STK3: variants seen among roughly 807,000 people sequenced by gnomAD.
STK3 encodes the protein serine/threonine-protein kinase 3.
In STK3, 41 loss-of-function variants were observed where a neutral mutation model predicts 58.0. That is an observed-to-expected ratio of 0.71 (90% CI 0.55 to 0.92). The LOEUF (loss-of-function observed/expected upper bound fraction) is 0.92, where lower values mean the gene tolerates loss of function less well. Ranked by LOEUF, STK3 falls within the 40% of genes least tolerant of loss-of-function variation. STK3 has a pLI of 0.00. For missense variants in STK3, 479 were observed against 602.7 expected, an observed-to-expected ratio of 0.79 and a Z score of 2.15; for synonymous variants, 170 against 191.0, an observed-to-expected ratio of 0.89 and a Z score of 0.91.
intron 8 of STK3, among the ~76,000 whole-genome samples, chr8:98,568,115 T>TAGATA (rs1812656541): frequency 7.6e-6 from 1 of 132,170 alleles, no homozygotes; most frequent in South Asian, 2.4e-4. Flanking sequence ...ATAGATAGAC[T>TAGATA]GATTTAAAAA....
At chr8:98,346,156 G>A in the STK3 span, among the ~76,000 whole-genome samples, 1 of 151,754 alleles carries the variant, frequency 6.6e-6, no homozygotes, top group South Asian at 2.1e-4. Context: ...ATGATCTTGG[G>A]TGCCTGTAAT....
intron 3 of STK3, among the ~76,000 whole-genome samples, chr8:98,844,363 T>C (rs1836113535): frequency 6.6e-6 from 1 of 152,202 alleles, no homozygotes; most frequent in Non-Finnish European, 1.5e-5. Context: ...GCTATGGGAA[T>C]ATGATGTCAT....
chr8:98,457,434 A>C (rs571589934), intron 10 of STK3, among the ~76,000 whole-genome samples: 20 of 152,338 alleles, frequency 1.3e-4, no homozygotes, highest in African/African-American at 4.8e-4. Flanking sequence ...TCTATGTAGG[A>C]TCCAGTTCCA....
At chr8:98,749,650 A>C (rs1829850485) in intron 3 of STK3, among the ~76,000 whole-genome samples, 2 of 152,200 alleles carry the variant, frequency 1.3e-5, no homozygotes, top group African/African-American at 2.4e-5. Flanking sequence ...ATAAGACTTC[A>C]TTTTGGCAAA....
upstream of STK3, among the ~76,000 whole-genome samples, chr8:98,827,027 T>A (rs1388558852): frequency 1.5e-5 from 2 of 133,966 alleles, no homozygotes; most frequent in Admixed American, 1.6e-4. Flanking sequence ...ATGAGTTTAC[T>A]TGTTTTTGTC....
At chr8:98,623,206 A>T (rs1250083756) in intron 6 of STK3, among the ~76,000 whole-genome samples, 1 of 152,114 alleles carries the variant, frequency 6.6e-6, no homozygotes, top group Non-Finnish European at 1.5e-5. Context: ...AAGAAAAAAT[A>T]AAGGGAAGGA....
chr8:98,844,475 G>GT (rs71273146), intron 3 of STK3, among the ~76,000 whole-genome samples: 40,883 of 151,542 alleles, frequency 0.27, 6,186 homozygotes, highest in East Asian at 0.45. Flanking sequence ...GTGTGTTTTT[G>GT]TTTTTTTTGA....
chr8:98,853,685 T>C (rs953407887), intron 3 of STK3, among the ~76,000 whole-genome samples: 3 of 152,180 alleles, frequency 2.0e-5, no homozygotes, highest in African/African-American at 4.8e-5. Context: ...ATCACATCTG[T>C]CAACACTTAG....
chr8:98,800,382 C>G lies in STK3; in HGVS notation c.26+25133G>C, dbSNP rs987400293. ...GAGCGGTCATCGGCCAAATTCCCAA[C>G]AGCAGTTGGGGTGTCCTGTTTAGAG... On this transcript the variant is annotated intron_variant, in intron 1 of 10. Transcript: ENST00000419617. This position sits in a 1 kb window ranked among gnomAD's most constrained non-coding sequence, Gnocchi z 4.8. Among the ~76,000 whole-genome samples, 4 of 152,236 alleles carry G rather than the reference C, an allele frequency of 2.6e-5. No homozygotes were observed. Among genetic ancestry groups the G allele is most frequent in the African/African-American group, 4.8e-5 (2 of 41,468 alleles).
intron 4 of STK3, among the ~76,000 whole-genome samples, chr8:98,718,140 T>C (rs1295850397): frequency 6.6e-6 from 1 of 152,110 alleles, no homozygotes; most frequent in Non-Finnish European, 1.5e-5. Flanking sequence ...ATGGGGATGC[T>C]TACACAACTT....
rs1164616779 is a variant in STK3 at position 98,674,416 on chromosome 8, T to A, written c.684+32051A>T. Among the ~76,000 whole-genome samples the A allele has an allele frequency of 3.3e-5, 5 of 152,224 alleles. No individual in the cohort carries two copies. In the East Asian group the frequency reaches 9.6e-4, roughly 29 times the overall value. ...ATGAGAAAACATCTTCATAATGGGA[T>A]ACAAAAATGGAATTTAGAACTGGAT... On this transcript the variant is annotated intron_variant, in intron 6 of 10. Transcript: ENST00000419617.
At chr8:98,797,702 C>A (rs1719137736) in intron 1 of STK3, among the ~76,000 whole-genome samples, 1 of 152,182 alleles carries the variant, frequency 6.6e-6, no homozygotes, top group Admixed American at 6.5e-5. Context: ...ATGATCCTAT[C>A]TTTTAAAACT....
chr8:98,835,754 G>C (rs1248892546), intron 3 of STK3, among the ~76,000 whole-genome samples: 1 of 152,224 alleles, frequency 6.6e-6, no homozygotes, highest in Non-Finnish European at 1.5e-5. Context: ...GTGAGACACA[G>C]CTGTGTCCTC....
chr8:98,678,706 C>A (rs1302887888), intron 6 of STK3, among the ~76,000 whole-genome samples: 1 of 152,034 alleles, frequency 6.6e-6, no homozygotes, highest in Non-Finnish European at 1.5e-5. Context: ...TGGTTAAAAA[C>A]CAGTATGTAC....
chr8:98,647,211 A>T (rs1820469891), intron 6 of STK3, among the ~76,000 whole-genome samples: 1 of 152,128 alleles, frequency 6.6e-6, no homozygotes, highest in Admixed American at 6.5e-5. Context: ...GTTTACTCCC[A>T]CAATACCTGC....
At chr8:98,779,176 TTTC>T (rs1831924931) in intron 1 of STK3, among the ~76,000 whole-genome samples, 1 of 152,142 alleles carries the variant, frequency 6.6e-6, no homozygotes, top group East Asian at 1.9e-4. Flanking sequence ...AATAGTAACC[TTTC>T]AATCAAAAAT....
intron 3 of STK3, among the ~76,000 whole-genome samples, chr8:98,410,803 T>A (rs1168197979): frequency 1.3e-5 from 2 of 152,202 alleles, no homozygotes; most frequent in Admixed American, 1.3e-4. Context: ...CTTTCACAGA[T>A]GGTACAGGTG....
intron 3 of STK3, among the ~76,000 whole-genome samples, chr8:98,847,861 A>G (rs555683552): frequency 6.6e-6 from 1 of 152,292 alleles, no homozygotes; most frequent in African/African-American, 2.4e-5. Context: ...CAAGTAGGGA[A>G]TAGAGTCCTT....
Position 98,380,072 on chromosome 8 carries a change from C to T in STK3, n.57-865G>A, listed in dbSNP as rs184326413. ...AAGAATGACAAATACTGTGTGATTC[C>T]ACTTTATGAGGTATCTAAAATAGTC... is the stretch of plus-strand genomic sequence containing the variant. On this transcript the variant is annotated intron_variant and non_coding_transcript_variant, in intron 1 of 2. Coordinates refer to the STK3 transcript ENST00000518704. 4.9e-4 allele frequency among the ~76,000 whole-genome samples: 75 copies of T among 152,242 alleles called. 1 individual carries two copies. The East Asian group carries it at 0.014, about 29-fold the overall frequency.
Sources: gnomAD v4.1 joint callset for allele counts (sites outside exome capture counted in the v4.1 genomes callset) on GRCh38, gnomAD v4.1.1 for gene constraint, Gnocchi (gnomAD v3.1) non-coding constraint, MANE v1.5 for transcripts, NCBI Gene and HGNC (gene_info 2026-07-23, HGNC 2026-07-21) for gene names.